Variants in TMC5 observed in about 807,000 individuals in gnomAD.
TMC5 encodes transmembrane channel-like protein 5.
In TMC5, 86 loss-of-function variants were observed where a neutral mutation model predicts 110.5. That is an observed-to-expected ratio of 0.78 (90% CI 0.65 to 0.93). The LOEUF is 0.93. TMC5 is among the 40% of genes least tolerant of loss of function. The pLI is 0.00. For missense variants in TMC5, 1,144 were observed against 1,222.8 expected, an observed-to-expected ratio of 0.94 and a Z score of 0.96; for synonymous variants, 455 against 439.5, an observed-to-expected ratio of 1.04 and a Z score of -0.44.
intron 1 of TMC5, among the ~76,000 whole-genome samples, chr16:19,422,286 T>A (rs1395642852): frequency 6.6e-6 from 1 of 151,182 alleles, no homozygotes; most frequent in African/African-American, 2.4e-5. Context: ...TCAAAGATAT[T>A]TAAAGGGGGG....
In TMC5 at chr16:19,463,850, C is replaced by A. The variant is rs1328021156; in HGVS notation, c.1311C>A (p.Ile437=). ...SISLWQKTLK[I]IGGKFGTSVL... ...GCCTGTGGCAGAAGACGCTGAAGAT[C>A]ATTGGAGGCAAGTTTGGAACCAGCG... is the stretch of plus-strand genomic sequence containing the variant. The change falls in exon 8 of 22, where the codon ATC becomes ATA. Residue 437 remains isoleucine, a synonymous_variant. Coordinates refer to ENST00000542583, the MANE Select transcript of TMC5 (RefSeq NM_001261841.2). 1 of 1,614,232 alleles carries A rather than the reference C, an allele frequency of 6.2e-7. No homozygotes were observed. The highest frequency in any genetic ancestry group is 1.7e-5 in the Admixed American group (1 of 60,028).
Position 19,440,257 on chromosome 16 carries a change from T to G in TMC5, c.219T>G (p.Asn73Lys). ...PDYPGSLAEP[N>K]YPRSLSNPDY... ...ATCCTGGGTCTCTGGCAGAACCAAATTATCCTAGATCTCTGAGTAATCCAG... is the reference window on the plus strand; with the variant it reads ...ATCCTGGGTCTCTGGCAGAACCAAAGTATCCTAGATCTCTGAGTAATCCAG... Residue 73 changes from asparagine to lysine, a missense_variant, in exon 3 of 22, where the codon AAT becomes AAG. By Grantham distance (94) the Asn-to-Lys change is moderately conservative. Transcript: ENST00000542583. 1.9e-6 allele frequency: 3 copies of G among 1,614,060 alleles called. No individual in the cohort carries two copies. The South Asian group carries it at 3.3e-5, about 18-fold the overall frequency.
At position 19,463,361 on chromosome 16, in the gene TMC5, T is replaced by G. The variant is rs1968078074; in HGVS notation, c.1230T>G (p.Ile410Met). 1 of 1,612,612 alleles carries G rather than the reference T, an allele frequency of 6.2e-7. No individual in the cohort carries two copies. The highest frequency in any genetic ancestry group is 8.5e-7 in the Non-Finnish European group (1 of 1,178,784). The change falls in exon 7 of 22, where the codon ATT becomes ATG. Residue 410 changes from isoleucine (I) to methionine (M), a missense_variant. Coordinates refer to ENST00000542583, the MANE Select transcript of TMC5 (RefSeq NM_001261841.2). ...GCTGTATTCAGTGTCTGAACTCCATTTCCCGGGTAAGTCAGTAAAACAGGC... is the reference window on the plus strand; with the variant it reads ...GCTGTATTCAGTGTCTGAACTCCATGTCCCGGGTAAGTCAGTAAAACAGGC... ...LNCCIQCLNS[I>M]SRAYRRSKNS...
At chr16:19,448,657 A>G (rs957309526) in intron 4 of TMC5, among the ~76,000 whole-genome samples, 4 of 138,586 alleles carry the variant, frequency 2.9e-5, no homozygotes, top group Non-Finnish European at 6.1e-5. Context: ...GTAATTTTTT[A>G]TATTATATTT....
chr16:19,440,588 T>C lies in TMC5; in HGVS notation c.550T>C (p.Ser184Pro), dbSNP rs758199363. The C allele has an allele frequency of 3.7e-5, 59 of 1,614,034 alleles. No individual in the cohort carries two copies. Among genetic ancestry groups the C allele is most frequent in the Admixed American group, 5.0e-5 (3 of 59,986 alleles). ...GPRANLNHPGSRKNLEHTSFR... is the reference protein window; with the variant it reads ...GPRANLNHPGPRKNLEHTSFR... ...CAGAGCCAATTTGAACCATCCAGGA[T>C]CCAGAAAGAATCTGGAACATACAAG... The change falls in exon 3 of 22, where the codon TCC becomes CCC. Residue 184 changes from serine to proline, a missense_variant. Coordinates refer to ENST00000542583, the MANE Select transcript of TMC5 (RefSeq NM_001261841.2).
Position 19,439,987 on chromosome 16 carries a change from A to C in TMC5, c.-52A>C. ...GAAAAAAAAAAAAGATCCCTGAGTA[A>C]TTGCAAATGCTGGGACAGTTTACCA... is the stretch of plus-strand genomic sequence containing the variant. On this transcript the variant is annotated 5_prime_UTR_variant, in exon 3 of 22. Coordinates refer to ENST00000542583, the MANE Select transcript of TMC5 (RefSeq NM_001261841.2). The C allele has an allele frequency of 1.4e-6, 2 of 1,434,222 alleles. No individual in the cohort carries two copies. Among genetic ancestry groups the C allele is most frequent in the Non-Finnish European group, 1.9e-6 (2 of 1,057,386 alleles). 88.8% of individuals were successfully genotyped at this position (1,434,222 alleles called of 1,614,324 possible).
chr16:19,463,843 T>G lies in TMC5; in HGVS notation c.1304T>G (p.Leu435Arg). 1 of 1,614,214 alleles carries G rather than the reference T, an allele frequency of 6.2e-7. No individual in the cohort carries two copies. The highest frequency in any genetic ancestry group is 2.2e-5 in the East Asian group (1 of 44,880). Reference protein sequence around the residue: ...LNSISLWQKTLKIIGGKFGTS... With the variant: ...LNSISLWQKTRKIIGGKFGTS... ...TCCATCAGCCTGTGGCAGAAGACGCTGAAGATCATTGGAGGCAAGTTTGGA... is the reference window on the plus strand; with the variant it reads ...TCCATCAGCCTGTGGCAGAAGACGCGGAAGATCATTGGAGGCAAGTTTGGA... Residue 435 changes from leucine to arginine, a missense_variant, in exon 8 of 22, where the codon CTG (leucine) becomes CGG (arginine). By Grantham distance (102) the Leu-to-Arg change is moderately radical. Coordinates refer to ENST00000542583, the MANE Select transcript of TMC5 (RefSeq NM_001261841.2).
chr16:19,466,118 T>A lies in TMC5; in HGVS notation c.1522T>A (p.Tyr508Asn), dbSNP rs748449691. ...GGACACAGTGATGTACTATGGCTTT[T>A]ACACCAATTCCACCATCCAGCACGG... ...FRDTVMYYGF[Y>N]TNSTIQHGNS... Residue 508 changes from tyrosine (Y) to asparagine (N), a missense_variant, in exon 9 of 22, where the codon TAC becomes AAC. Physicochemically the swap from Tyr to Asn is moderately radical, Grantham distance 143 (BLOSUM62 -2). Coordinates refer to ENST00000542583, the MANE Select transcript of TMC5 (RefSeq NM_001261841.2). 1 of 1,614,168 alleles carries A rather than the reference T, an allele frequency of 6.2e-7. No individual in the cohort carries two copies.
intron 4 of TMC5, among the ~76,000 whole-genome samples, chr16:19,448,426 T>C (rs1482677507): frequency 6.6e-6 from 1 of 151,732 alleles, no homozygotes; most frequent in Non-Finnish European, 1.5e-5. Context: ...GAGACCAGCC[T>C]GGATAACATG....
chr16:19,417,674 G>T (rs1190462602), upstream of TMC5: 1 of 152,242 alleles, frequency 6.6e-6, no homozygotes, highest in East Asian at 1.9e-4. Context: ...AGGAGTTAGG[G>T]CTTAGGAAGA....
intron 15 of TMC5, 78 bp from the exon 16 acceptor site, chr16:19,486,867 T>TC: frequency 1.5e-6 from 2 of 1,299,264 alleles, no homozygotes; most frequent in Non-Finnish European, 2.2e-6. Flanking sequence ...TTCTTTCTCT[T>TC]CCCCCCAACC....
At chr16:19,485,776 G>A (rs1363861342) in intron 15 of TMC5, among the ~76,000 whole-genome samples, 1 of 152,208 alleles carries the variant, frequency 6.6e-6, no homozygotes, top group Admixed American at 6.5e-5. Flanking sequence ...CTCCTTTCTT[G>A]TTAAAAAATG....
intron 19 of TMC5, among the ~76,000 whole-genome samples, chr16:19,492,918 A>ATATATATATATATC (rs1968946463): frequency 9.0e-6 from 1 of 110,520 alleles, no homozygotes; most frequent in Non-Finnish European, 2.1e-5. Flanking sequence ...AAACTTAGAT[A>ATATATATATATATC]TATATATATA....
intron 1 of TMC5, chr16:19,411,212 G>C (rs935094732): frequency 6.6e-6 from 1 of 152,270 alleles, no homozygotes; most frequent in African/African-American, 2.4e-5. Context: ...CTGGGTGAGA[G>C]CGAACATGAG....
At chr16:19,481,828 GGGGTCTTT>G (rs1968626186) in intron 15 of TMC5, among the ~76,000 whole-genome samples, 1 of 152,092 alleles carries the variant, frequency 6.6e-6, no homozygotes, top group East Asian at 1.9e-4. Flanking sequence ...TGATGGAGGT[GGGGTCTTT>G]GGGAGGTGAT....
At chr16:19,467,729 G>A (rs534812072) in intron 9 of TMC5, among the ~76,000 whole-genome samples, 26 of 151,766 alleles carry the variant, frequency 1.7e-4, no homozygotes, top group African/African-American at 5.6e-4. Context: ...TGATCCACCC[G>A]CCTCAGCCTC....
At chr16:19,455,462 CAAG>C (rs1280661878) in intron 5 of TMC5, among the ~76,000 whole-genome samples, 4 of 152,014 alleles carry the variant, frequency 2.6e-5, no homozygotes, top group African/African-American at 7.2e-5. Context: ...AGCAAAAAAA[CAAG>C]AAGCATGGAG....
At chr16:19,462,216 A>G (rs775664729) in intron 6 of TMC5, among the ~76,000 whole-genome samples, 2 of 152,214 alleles carry the variant, frequency 1.3e-5, no homozygotes, top group African/African-American at 2.4e-5. Context: ...TATCAGTACA[A>G]GTAACATCTG....
intron 1 of TMC5, among the ~76,000 whole-genome samples, chr16:19,421,335 G>C (rs763721631): frequency 6.6e-6 from 1 of 152,082 alleles, no homozygotes; most frequent in Non-Finnish European, 1.5e-5. Flanking sequence ...TCATGAGAGG[G>C]ACGCTGTGGG....
Sources: gnomAD v4.1 joint callset for allele counts (sites outside exome capture counted in the v4.1 genomes callset) on GRCh38, gnomAD v4.1.1 for gene constraint, MANE v1.5 for transcripts, NCBI Gene and HGNC (gene_info 2026-07-23, HGNC 2026-07-21) for gene names.